CDH12: variants seen among roughly 807,000 people sequenced by gnomAD.
The protein encoded by CDH12 is cadherin 12, also known as cadherin-12.
A neutral mutation model predicts 74.1 loss-of-function variants in CDH12; 41 were observed. That is an observed-to-expected ratio of 0.55 (90% CI 0.43 to 0.72). CDH12 has a LOEUF of 0.72. Among genes scored for constraint, CDH12 ranks in the 30% least tolerant of loss-of-function variants. The pLI, the probability that CDH12 is intolerant of heterozygous loss-of-function variation, is 0.00. For missense variants in CDH12, 945 were observed against 977.2 expected, an observed-to-expected ratio of 0.97 and a Z score of 0.44; for synonymous variants, 399 against 355.0, an observed-to-expected ratio of 1.12 and a Z score of -1.39.
chr5:22,768,204 T>A (rs949153027), intron 1 of CDH12, among the ~76,000 whole-genome samples: 4 of 152,090 alleles, frequency 2.6e-5, no homozygotes, highest in Admixed American at 6.6e-5. Context: ...CTTCTATAAT[T>A]TTCAGTCAAA....
At chr5:21,819,801 A>G (rs113473384) in intron 8 of CDH12, among the ~76,000 whole-genome samples, 1,569 of 152,050 alleles carry the variant, frequency 0.01, 20 homozygotes, top group African/African-American at 0.036. Flanking sequence ...AGGGTGAAAC[A>G]GTGAGAGTCA....
intron 1 of CDH12, among the ~76,000 whole-genome samples, chr5:22,545,268 G>A (rs1308151696): frequency 6.6e-6 from 1 of 152,188 alleles, no homozygotes; most frequent in East Asian, 1.9e-4. Context: ...TCTAAAGGAT[G>A]TTCTTGGTTT....
intron 4 of CDH12, among the ~76,000 whole-genome samples, chr5:22,114,007 C>G (rs1050724763): frequency 6.6e-5 from 10 of 152,146 alleles, no homozygotes; most frequent in African/African-American, 2.4e-4. Flanking sequence ...CAGGTGGCAT[C>G]TCTAGCAGCT....
intron 3 of CDH12, among the ~76,000 whole-genome samples, chr5:22,382,160 C>A (rs921623254): frequency 1.4e-5 from 2 of 139,490 alleles, no homozygotes; most frequent in South Asian, 2.2e-4. Context: ...ATAATATATA[C>A]TATTTTATTA....
intron 1 of CDH12, among the ~76,000 whole-genome samples, chr5:22,529,921 G>A (rs971819736): frequency 2.0e-5 from 3 of 152,154 alleles, no homozygotes; most frequent in African/African-American, 7.2e-5. Context: ...TGTACCACCT[G>A]TAGAAAGTTC....
chr5:22,095,287 C>G (rs997308711), intron 4 of CDH12, among the ~76,000 whole-genome samples: 1 of 152,152 alleles, frequency 6.6e-6, no homozygotes, highest in Non-Finnish European at 1.5e-5. Context: ...TGGTGCCACC[C>G]TTCAATCTCT....
intron 1 of CDH12, among the ~76,000 whole-genome samples, chr5:22,742,105 G>A (rs1045211823): frequency 4.0e-5 from 6 of 151,720 alleles, no homozygotes; most frequent in Non-Finnish European, 8.8e-5. Context: ...TCACTTGAAC[G>A]TGGGAAGTGG....
At chr5:21,764,889 T>A in intron 12 of CDH12, 89 bp downstream of exon 12, 4 of 1,200,914 alleles carry the variant, frequency 3.3e-6, no homozygotes, top group Non-Finnish European at 3.6e-6. Context: ...AAAACAAATA[T>A]ATGTGTGCAT....
At chr5:22,260,458 A>G (rs1297987121) in intron 3 of CDH12, among the ~76,000 whole-genome samples, 1 of 152,078 alleles carries the variant, frequency 6.6e-6, no homozygotes, top group African/African-American at 2.4e-5. Flanking sequence ...TCAGACGAGA[A>G]TAATTTTTTC....
intron 5 of CDH12, among the ~76,000 whole-genome samples, chr5:22,062,089 C>A (rs973261423): frequency 1.3e-5 from 2 of 152,114 alleles, no homozygotes; most frequent in African/African-American, 4.8e-5. Context: ...GTGCTCAAAT[C>A]TTAGTGTTCT....
At chr5:22,698,704 TA>T (rs1742523758) in intron 1 of CDH12, among the ~76,000 whole-genome samples, 3 of 10,560 alleles carry the variant, frequency 2.8e-4, no homozygotes, top group African/African-American at 1.5e-3. Flanking sequence ...TATATATATA[TA>T]TATATATATA....
intron 6 of CDH12, among the ~76,000 whole-genome samples, chr5:21,894,059 G>T (rs1464224513): frequency 1.3e-5 from 2 of 152,170 alleles, no homozygotes; most frequent in Non-Finnish European, 2.9e-5. Flanking sequence ...AACAATTAAA[G>T]TATAGAATGG....
chr5:21,765,119 A>G lies in CDH12; in HGVS notation c.1394-20T>C. On this transcript the variant is annotated intron_variant, in intron 11 of 14. Coordinates refer to ENST00000382254, the MANE Select transcript of CDH12 (RefSeq NM_004061.5). ...GGTTACCTGTTAAAAACATATAAAG[A>G]TAAAAGATGATTACAAAATCCGGTC... 1 of 1,496,944 alleles carries G rather than the reference A, an allele frequency of 6.7e-7. No homozygotes were observed. Among genetic ancestry groups the G allele is most frequent in the Non-Finnish European group, 8.9e-7 (1 of 1,123,770 alleles). The allele number at this position is 1,496,944 out of a possible 1,614,324, so 92.7% of individuals were successfully genotyped here.
chr5:22,527,374 A>T (rs1247066418), intron 1 of CDH12, among the ~76,000 whole-genome samples: 3 of 152,110 alleles, frequency 2.0e-5, no homozygotes, highest in Admixed American at 1.3e-4. Flanking sequence ...TCATTTAACT[A>T]AAAACTTTGC....
intron 5 of CDH12, among the ~76,000 whole-genome samples, chr5:21,981,014 GA>G (rs1757281010): frequency 1.3e-5 from 2 of 152,012 alleles, no homozygotes; most frequent in Admixed American, 6.6e-5. Context: ...GCCAGCTGGG[GA>G]CATTTTTAAT....
At chr5:22,687,088 G>T (rs1350072904) in intron 1 of CDH12, among the ~76,000 whole-genome samples, 1 of 152,108 alleles carries the variant, frequency 6.6e-6, no homozygotes, top group African/African-American at 2.4e-5. Context: ...GACGTCAGAA[G>T]ATCGAGACCA....
At chr5:22,350,627 G>T (rs765913087) in intron 3 of CDH12, among the ~76,000 whole-genome samples, 62 of 152,094 alleles carry the variant, frequency 4.1e-4, no homozygotes, top group Non-Finnish European at 5.3e-4. Context: ...AGAATTAATT[G>T]TATTGATTTT....
chr5:22,358,110 A>G (rs1198137862), intron 3 of CDH12, among the ~76,000 whole-genome samples: 2 of 152,110 alleles, frequency 1.3e-5, no homozygotes, highest in Non-Finnish European at 2.9e-5. Context: ...ACATTTCCTT[A>G]AAGAATACTA....
At chr5:22,261,210 A>G (rs1405213340) in intron 3 of CDH12, among the ~76,000 whole-genome samples, 1 of 151,860 alleles carries the variant, frequency 6.6e-6, no homozygotes, top group Non-Finnish European at 1.5e-5. Flanking sequence ...CATACAAAAT[A>G]TTACATATTA....
Sources: allele counts gnomAD v4.1 joint callset (sites outside exome capture counted in the v4.1 genomes callset), GRCh38; gene constraint gnomAD v4.1.1; transcripts MANE v1.5; gene names NCBI Gene and HGNC (gene_info 2026-07-23, HGNC 2026-07-21).